Variants in GPATCH2 observed in about 807,000 individuals in gnomAD.
GPATCH2 encodes the protein G patch domain-containing protein 2.
GPATCH2 carries 51 observed loss-of-function variants against 58.0 expected under a neutral mutation model. The observed-to-expected ratio is 0.88, with a 90% CI of 0.70 to 1.11. The LOEUF (loss-of-function observed/expected upper bound fraction) is 1.11, where lower values mean the gene tolerates loss of function less well. Among genes scored for constraint, GPATCH2 ranks in the 50% most tolerant of loss-of-function variants. The pLI, the probability that GPATCH2 is intolerant of heterozygous loss-of-function variation, is 0.00. For synonymous variants in GPATCH2, 222 were observed against 218.5 expected (o/e 1.02, Z -0.14); for missense variants, 625 against 652.2 (o/e 0.96, Z 0.45).
intron 8 of GPATCH2, among the ~76,000 whole-genome samples, chr1:217,450,665 A>T (rs187996976): frequency 7.2e-5 from 11 of 152,206 alleles, no homozygotes; most frequent in Admixed American, 7.2e-4. Flanking sequence ...AATTATTAAA[A>T]TATTTCAAAA....
In GPATCH2 at chr1:217,562,084, C is replaced by A. The variant is rs187047443; in HGVS notation, c.1099-47195G>T. ...AGAAAACTATCACCACACTAGTGCC[C>A]CAGCAGTCAAGATCAACCTTAGCAA... On this transcript the variant is annotated intron_variant, in intron 5 of 9. Coordinates refer to ENST00000366935, the MANE Select transcript of GPATCH2 (RefSeq NM_018040.5). Among the ~76,000 whole-genome samples the A allele has an allele frequency of 1.0e-3, 157 of 152,238 alleles. 1 individual carries two copies. The highest frequency in any genetic ancestry group is 3.7e-3 in the African/African-American group (153 of 41,542).
intron 5 of GPATCH2, among the ~76,000 whole-genome samples, chr1:217,591,814 T>C (rs567472714): frequency 6.6e-6 from 1 of 152,194 alleles, no homozygotes; most frequent in Admixed American, 6.5e-5. Flanking sequence ...TCATTTTTTA[T>C]TTAAAGAAAC....
intron 8 of GPATCH2, among the ~76,000 whole-genome samples, chr1:217,464,410 A>G (rs1194098745): frequency 6.6e-6 from 1 of 152,166 alleles, no homozygotes; most frequent in Non-Finnish European, 1.5e-5. Context: ...AAGCTCTACC[A>G]CTCAATGGAA....
chr1:217,512,621 T>C (rs1390438215), intron 6 of GPATCH2, among the ~76,000 whole-genome samples: 1 of 151,914 alleles, frequency 6.6e-6, no homozygotes, highest in African/African-American at 2.4e-5. Flanking sequence ...AGACTAAGAG[T>C]AGAGGAAGAA....
chr1:217,438,065 A>G (rs980397147), intron 9 of GPATCH2, among the ~76,000 whole-genome samples: 1 of 152,224 alleles, frequency 6.6e-6, no homozygotes, highest in Non-Finnish European at 1.5e-5. Context: ...GCTGTTCTGC[A>G]GCTTCTGCTA....
At chr1:217,626,342 A>ATT (rs1448713783) in intron 1 of GPATCH2, among the ~76,000 whole-genome samples, 3 of 152,214 alleles carry the variant, frequency 2.0e-5, no homozygotes, top group Admixed American at 6.5e-5. Context: ...AACTACTCAC[A>ATT]AACTTAACAC....
chr1:217,437,171 C>A (rs1658877003), intron 9 of GPATCH2, among the ~76,000 whole-genome samples: 1 of 152,146 alleles, frequency 6.6e-6, no homozygotes, highest in Non-Finnish European at 1.5e-5. Context: ...CCTGGAGGAA[C>A]TGTGCCTTGA....
chr1:217,627,946 A>G (rs1012054827), intron 1 of GPATCH2, among the ~76,000 whole-genome samples: 1 of 152,240 alleles, frequency 6.6e-6, no homozygotes, highest in East Asian at 1.9e-4. Context: ...TTAGAATCTA[A>G]TAAGTAATTC....
At chr1:217,629,754 C>A (rs1669647702) in intron 1 of GPATCH2, among the ~76,000 whole-genome samples, 1 of 152,140 alleles carries the variant, frequency 6.6e-6, no homozygotes, top group Non-Finnish European at 1.5e-5. Flanking sequence ...AAAACTGGTT[C>A]ATTTAAAAAA....
intron 8 of GPATCH2, among the ~76,000 whole-genome samples, chr1:217,476,504 T>C (rs1660976239): frequency 6.6e-6 from 1 of 152,156 alleles, no homozygotes; most frequent in African/African-American, 2.4e-5. Context: ...CTTGAATCAC[T>C]GATGCTGCCC....
At chr1:217,480,583 G>C (rs2102516550) in intron 8 of GPATCH2, among the ~76,000 whole-genome samples, 1 of 152,208 alleles carries the variant, frequency 6.6e-6, no homozygotes, top group South Asian at 2.1e-4. Flanking sequence ...ACAATTTGGA[G>C]GTTCCTCAAA....
At chr1:217,529,510 T>C (rs2102619079) in intron 5 of GPATCH2, among the ~76,000 whole-genome samples, 1 of 152,304 alleles carries the variant, frequency 6.6e-6, no homozygotes, top group East Asian at 1.9e-4. Flanking sequence ...ACATGTCTGT[T>C]TCCCCTTTGA....
intron 9 of GPATCH2, among the ~76,000 whole-genome samples, chr1:217,445,610 T>C (rs535733448): frequency 2.6e-5 from 4 of 152,240 alleles, no homozygotes; most frequent in South Asian, 2.1e-4. Context: ...AGTTTCATTA[T>C]GTGACTTTGA....
chr1:217,509,606 T>G (rs1026476908), intron 6 of GPATCH2, among the ~76,000 whole-genome samples: 1 of 152,174 alleles, frequency 6.6e-6, no homozygotes, highest in Non-Finnish European at 1.5e-5. Flanking sequence ...TCATTCTAGC[T>G]CTAGTACTTG....
chr1:217,543,268 CGTTT>C (rs1664846240), intron 5 of GPATCH2, among the ~76,000 whole-genome samples: 1 of 132,022 alleles, frequency 7.6e-6, no homozygotes, highest in African/African-American at 2.8e-5. Flanking sequence ...ATGATGCGAA[CGTTT>C]TTTTTTTTTT....
intron 9 of GPATCH2, among the ~76,000 whole-genome samples, chr1:217,438,978 C>G (rs759503686): frequency 3.3e-5 from 5 of 152,148 alleles, no homozygotes; most frequent in Non-Finnish European, 2.9e-5. Flanking sequence ...AGAAAATTAA[C>G]AAGGATATTC....
At chr1:217,513,107 C>T (rs749807186) in intron 6 of GPATCH2, among the ~76,000 whole-genome samples, 27 of 152,182 alleles carry the variant, frequency 1.8e-4, no homozygotes, top group Middle Eastern at 3.4e-3. Flanking sequence ...CTAGCCAACA[C>T]GGGGATACCC....
At chr1:217,563,679 A>T (rs1019809049) in intron 5 of GPATCH2, among the ~76,000 whole-genome samples, 14 of 152,234 alleles carry the variant, frequency 9.2e-5, no homozygotes, top group Admixed American at 8.5e-4. Context: ...ACAAAGTAAA[A>T]AGAAAACAAA....
chr1:217,623,698 T>C (rs1167435311), intron 1 of GPATCH2, among the ~76,000 whole-genome samples: 1 of 151,940 alleles, frequency 6.6e-6, no homozygotes, highest in Non-Finnish European at 1.5e-5. Flanking sequence ...GGTCAGGAAT[T>C]TGAGACCAGC....
Sources: allele counts gnomAD v4.1 joint callset (sites outside exome capture counted in the v4.1 genomes callset), GRCh38; gene constraint gnomAD v4.1.1; transcripts MANE v1.5; gene names NCBI Gene and HGNC (gene_info 2026-07-23, HGNC 2026-07-21).